The following ROR1 variants were observed in gnomAD, a reference collection of about 807,000 sequenced individuals.
The protein encoded by ROR1 is ROR family WNT receptor 1.
A neutral mutation model predicts 78.8 loss-of-function variants in ROR1; 19 were observed. The ratio of observed to expected loss-of-function variants is 0.24; its 90% CI spans 0.17 to 0.35. ROR1 has a LOEUF of 0.35. ROR1 is among the 10% of genes least tolerant of loss of function. The probability of loss-of-function intolerance (pLI) is 1.00; values close to 1 mark genes in which losing one functional copy is unlikely to be tolerated. For missense variants in ROR1, 917 were observed against 1,177.8 expected (o/e 0.78, Z 3.24); for synonymous variants, 386 against 433.6 (o/e 0.89, Z 1.36).
intron 1 of ROR1, among the ~76,000 whole-genome samples, chr1:63,851,218 T>C (rs1645111884): frequency 6.6e-6 from 1 of 152,154 alleles, no homozygotes; most frequent in Non-Finnish European, 1.5e-5. Flanking sequence ...GACCTGGTGA[T>C]CCGCTAGCCT....
chr1:64,118,551 G>A (rs970472496), intron 4 of ROR1, among the ~76,000 whole-genome samples: 1 of 149,648 alleles, frequency 6.7e-6, no homozygotes, highest in Non-Finnish European at 1.5e-5. Context: ...TGCTTGAACC[G>A]GGACTCGGGA....
intron 1 of ROR1, among the ~76,000 whole-genome samples, chr1:63,859,465 A>G (rs1194573717): frequency 6.6e-6 from 1 of 152,232 alleles, no homozygotes; most frequent in Non-Finnish European, 1.5e-5. Context: ...TGCCCAGCAC[A>G]TAGTTTCTGC....
intron 2 of ROR1, among the ~76,000 whole-genome samples, chr1:64,016,733 T>TATATATATATATATATATATATATATA (rs1553151713): frequency 1.4e-5 from 2 of 140,582 alleles, no homozygotes; most frequent in Admixed American, 7.3e-5. Flanking sequence ...TAAAATATAA[T>TATATATATATATATATATATATATATA]TATATATATA....
At chr1:64,060,556 A>T (rs1208217908) in intron 4 of ROR1, among the ~76,000 whole-genome samples, 1 of 152,184 alleles carries the variant, frequency 6.6e-6, no homozygotes, top group Non-Finnish European at 1.5e-5. Context: ...TCAAGAAGTG[A>T]TAATGTAATA....
At chr1:63,901,206 T>C (rs189127986) in intron 1 of ROR1, among the ~76,000 whole-genome samples, 159 of 152,282 alleles carry the variant, frequency 1.0e-3, no homozygotes, top group Admixed American at 3.6e-3. Flanking sequence ...GTCTTCCTGG[T>C]TTGGGGAATG....
intron 2 of ROR1, among the ~76,000 whole-genome samples, chr1:64,025,320 T>G (rs1281465620): frequency 6.6e-6 from 1 of 152,160 alleles, no homozygotes; most frequent in Non-Finnish European, 1.5e-5. Context: ...AGAAGCCTGA[T>G]AAGTGGTGGT....
intron 1 of ROR1, among the ~76,000 whole-genome samples, chr1:63,995,222 T>A (rs983789038): frequency 1.3e-5 from 2 of 152,188 alleles, no homozygotes; most frequent in African/African-American, 4.8e-5. Context: ...GAAAATTATT[T>A]TTTTTTCTAA....
intron 4 of ROR1, among the ~76,000 whole-genome samples, chr1:64,083,417 A>G (rs942078685): frequency 6.6e-6 from 1 of 152,112 alleles, no homozygotes; most frequent in Admixed American, 6.5e-5. Flanking sequence ...AAAAAGAAAC[A>G]TAGTGGGAAA....
chr1:64,097,638 T>TAGAACAAAATTATACAA (rs1647351542), intron 4 of ROR1, among the ~76,000 whole-genome samples: 1 of 151,896 alleles, frequency 6.6e-6, no homozygotes, highest in Non-Finnish European at 1.5e-5. Flanking sequence ...TATTTTGTCC[T>TAGAACAAAATTATACAA]AGGTATAATT....
chr1:63,967,669 C>T (rs1646086219), intron 1 of ROR1, among the ~76,000 whole-genome samples: 1 of 152,294 alleles, frequency 6.6e-6, no homozygotes, highest in South Asian at 2.1e-4. Flanking sequence ...AGTGACCTGC[C>T]CCAGTCCTAA....
At chr1:63,944,389 G>A (rs563364970) in intron 1 of ROR1, among the ~76,000 whole-genome samples, 1 of 152,198 alleles carries the variant, frequency 6.6e-6, no homozygotes, top group African/African-American at 2.4e-5. Context: ...GATCCAATCG[G>A]CAGATAATCC....
rs113842136 is a variant in ROR1 at position 63,928,446 on chromosome 1, C to A, written c.92-80859C>A. On this transcript the variant is annotated intron_variant, in intron 1 of 8. Coordinates refer to ENST00000371079, the MANE Select transcript of ROR1 (RefSeq NM_005012.4). Reference sequence around the variant, plus strand: ...AGCAACTTAGTCATTTTACAGCAGGCGTGGCAGAAGTGCCTCCTATGCAGA... The same window carrying A: ...AGCAACTTAGTCATTTTACAGCAGGAGTGGCAGAAGTGCCTCCTATGCAGA... Among the ~76,000 whole-genome samples, 277 of 152,290 alleles carry A rather than the reference C, an allele frequency of 1.8e-3. 1 individual carries two copies. The highest frequency in any genetic ancestry group is 0.01 in the Middle Eastern group (3 of 294).
At chr1:64,177,114 C>G (rs1236450537) in intron 8 of ROR1, among the ~76,000 whole-genome samples, 2 of 152,196 alleles carry the variant, frequency 1.3e-5, no homozygotes, top group African/African-American at 4.8e-5. Flanking sequence ...GCCCAAGAGT[C>G]TGCATTTGCA....
chr1:64,038,475 G>T lies in ROR1; in HGVS notation c.164-11216G>T, dbSNP rs181886387. Among the ~76,000 whole-genome samples the T allele has an allele frequency of 5.3e-5, 8 of 152,224 alleles. No individual in the cohort carries two copies. The East Asian group carries it at 1.5e-3, about 29-fold the overall frequency. On this transcript the variant is annotated intron_variant, in intron 2 of 8. Transcript: ENST00000371079. Reference sequence around the variant, plus strand: ...CAAATTAGATCCCTAGAATAGCTCTGCTTTCCTTCCAGATCTTAAGGGGCT... The same window carrying T: ...CAAATTAGATCCCTAGAATAGCTCTTCTTTCCTTCCAGATCTTAAGGGGCT...
At chr1:63,782,912 TG>T (rs1644661300) in intron 1 of ROR1, among the ~76,000 whole-genome samples, 1 of 151,676 alleles carries the variant, frequency 6.6e-6, no homozygotes, top group Non-Finnish European at 1.5e-5. Flanking sequence ...CCTAGAAGGG[TG>T]GGTCTTTCGG....
rs181634613 is a variant in ROR1, at chr1:63,805,687, T to C, written c.91+31179T>C. Among the ~76,000 whole-genome samples the C allele has an allele frequency of 2.6e-5, 4 of 152,312 alleles. No homozygotes were observed. The East Asian group carries it at 7.7e-4, about 29-fold the overall frequency. On this transcript the variant is annotated intron_variant, in intron 1 of 8. Coordinates refer to ENST00000371079, the MANE Select transcript of ROR1 (RefSeq NM_005012.4). ...AATTACTGTGGTGACTGTCCATTTA[T>C]CCACTTGGGATCCGAGCATTCCAAA...
chr1:63,845,384 CA>C (rs1211651208), intron 1 of ROR1, among the ~76,000 whole-genome samples: 1 of 151,990 alleles, frequency 6.6e-6, no homozygotes, highest in African/African-American at 2.4e-5. Flanking sequence ...AACGAACAAA[CA>C]AAAAAACCTG....
intron 1 of ROR1, among the ~76,000 whole-genome samples, chr1:63,911,003 C>T (rs556320564): frequency 1.3e-5 from 2 of 152,340 alleles, no homozygotes; most frequent in East Asian, 1.9e-4. Context: ...CTCTGTCTCT[C>T]TCCAACTTGA....
chr1:63,960,045 G>A (rs1231700017), intron 1 of ROR1, among the ~76,000 whole-genome samples: 1 of 152,166 alleles, frequency 6.6e-6, no homozygotes, highest in Non-Finnish European at 1.5e-5. Flanking sequence ...GCACTGCTGT[G>A]ACAGCATGTA....
Sources: allele counts gnomAD v4.1 joint callset (sites outside exome capture counted in the v4.1 genomes callset), GRCh38; gene constraint gnomAD v4.1.1; transcripts MANE v1.5; gene names NCBI Gene and HGNC (gene_info 2026-07-23, HGNC 2026-07-21).